Variants in RNF166 observed in about 807,000 individuals in gnomAD.
RNF166 encodes ring finger protein 166, also known as E3 ubiquitin-protein ligase RNF166.
In RNF166, 19 loss-of-function variants were observed where a neutral mutation model predicts 29.4. That is an observed-to-expected ratio of 0.65 (90% confidence interval 0.45 to 0.95). RNF166 has a LOEUF of 0.95. Ranked by LOEUF, RNF166 falls within the 40% of genes least tolerant of loss-of-function variation. RNF166 has a pLI of 0.00. For missense variants in RNF166, 347 were observed against 322.1 expected (o/e 1.08, Z -0.59); for synonymous variants, 171 against 134.5 (o/e 1.27, Z -1.88).
intron 1 of RNF166, chr16:88,701,737 C>A: frequency 3.2e-6 from 1 of 314,234 alleles, no homozygotes; most frequent in Non-Finnish European, 5.9e-6. Context: ...CCAGCTCGGG[C>A]TACCAGGTTC....
intron 2 of RNF166, 110 bp from the exon 3 acceptor site, chr16:88,699,842 G>T: frequency 2.8e-6 from 2 of 701,836 alleles, no homozygotes; most frequent in African/African-American, 1.8e-5. Flanking sequence ...GCAAGCGTCT[G>T]TGTTGCCAGC....
chr16:88,703,085 G>A, intron 1 of RNF166: 1 of 985,600 alleles, frequency 1.0e-6, no homozygotes, highest in Non-Finnish European at 1.2e-6. Context: ...GGAAAACAGT[G>A]CAGGGCAGAC....
Position 88,698,528 on chromosome 16 carries a change from G to A in RNF166, c.622C>T (p.His208Tyr). ...ACAAAGGTGTCGTAGGAGAACTTGT[G>A]TCGGTGAAGCAGGTGCTGCAGGAAG... ...ANFLQHLLHR[H>Y]KFSYDTFVDY... is the part of the protein sequence containing the mutation. Residue 208 changes from histidine to tyrosine, a missense_variant, in exon 5 of 6, where the codon CAC becomes TAC. His to Tyr is a moderately conservative substitution (Grantham distance 83, BLOSUM62 2). Transcript: ENST00000312838. The A allele has an allele frequency of 6.4e-7, 1 of 1,573,776 alleles. No homozygotes were observed. Among genetic ancestry groups the A allele is most frequent in the Non-Finnish European group, 8.6e-7 (1 of 1,159,262 alleles).
At chr16:88,704,043 G>A (rs913433453) in intron 1 of RNF166, 27 of 985,356 alleles carry the variant, frequency 2.7e-5, no homozygotes, top group Non-Finnish European at 3.1e-5. Context: ...GGCCCCCAGG[G>A]GGCCTCCTGC....
chr16:88,704,585 C>G (rs1353996330), intron 1 of RNF166: 1 of 985,104 alleles, frequency 1.0e-6, no homozygotes, highest in East Asian at 1.1e-4. Flanking sequence ...TGTTGGCACC[C>G]AAAGCCTACG....
rs1567640759 is a variant in RNF166 at position 88,704,362 on chromosome 16, A to G, written c.155+1809T>C. 3 of 985,308 alleles carry G rather than the reference A, an allele frequency of 3.0e-6. No homozygotes were observed. In the African/African-American group the frequency reaches 5.2e-5, roughly 17 times the overall value. 61.0% of individuals were successfully genotyped at this position (985,308 alleles called of 1,614,324 possible). Reference sequence around the variant, plus strand: ...AGGCTGTGTGAAAAGCTCTTGCAGGACCCGCGGTGAGACTAGGATGGTCGT... The same window carrying G: ...AGGCTGTGTGAAAAGCTCTTGCAGGGCCCGCGGTGAGACTAGGATGGTCGT... On this transcript the variant is annotated intron_variant, in intron 1 of 5. Coordinates refer to ENST00000312838, the MANE Select transcript of RNF166 (RefSeq NM_178841.4).
At chr16:88,699,129 G>A in intron 3 of RNF166, 44 bp from the exon 4 acceptor site, 3 of 1,322,928 alleles carry the variant, frequency 2.3e-6, no homozygotes, top group Non-Finnish European at 3.2e-6. Context: ...TAGGTGTCTA[G>A]GGGCTCTGCC....
Position 88,696,945 on chromosome 16 carries a change from TTTGA to T in RNF166, c.*619_*622del, listed in dbSNP as rs1255111460. 2 of 197,950 alleles carry T rather than the reference TTTGA, an allele frequency of 1.0e-5. No individual in the cohort carries two copies. Among genetic ancestry groups the T allele is most frequent in the African/African-American group, 2.4e-5 (1 of 41,706 alleles). The allele number at this position is 197,950 out of a possible 1,614,324, so 12.3% of individuals were successfully genotyped here. ...CTTGCCCCAATCCCCCAATGCTTGT[TTTGA>T]TTGTTTTCTTAAAAAATATAATTTT... On this transcript the variant is annotated 3_prime_UTR_variant, in exon 6 of 6. Transcript: ENST00000312838.
chr16:88,702,091 G>C (rs906419006), intron 1 of RNF166, among the ~76,000 whole-genome samples: 1 of 151,960 alleles, frequency 6.6e-6, no homozygotes, highest in African/African-American at 2.4e-5. Flanking sequence ...GACAGACTGA[G>C]CGTCCCACAG....
chr16:88,696,663 C>T lies in RNF166; in HGVS notation c.*905G>A, dbSNP rs1132576. On this transcript the variant is annotated 3_prime_UTR_variant, in exon 6 of 6. Transcript: ENST00000312838. ...ACTGGGGTGCCGTCCCCTCCCGCAGCGGGGCACAGTCAGCTTTGAAGGTGA... is the reference window on the plus strand; with the variant it reads ...ACTGGGGTGCCGTCCCCTCCCGCAGTGGGGCACAGTCAGCTTTGAAGGTGA... 4 of 440,356 alleles carry T rather than the reference C, an allele frequency of 9.1e-6. No homozygotes were observed. Among genetic ancestry groups the T allele is most frequent in the South Asian group, 6.5e-5 (4 of 61,430 alleles). The allele number at this position is 440,356 out of a possible 1,614,324, so 27.3% of individuals were successfully genotyped here. A position where few individuals can be genotyped will look rare whatever the true frequency, so the allele number is the denominator to read the frequency against.
At chr16:88,701,453 C>A (rs2306048) in intron 1 of RNF166, 35 bp from the exon 2 acceptor site, 10 of 1,513,892 alleles carry the variant, frequency 6.6e-6, no homozygotes, top group Non-Finnish European at 8.8e-6. Context: ...CCAGCCCGCC[C>A]CTCGGGTCTC....
At chr16:88,704,607 T>C (rs1480064817) in intron 1 of RNF166, 1 of 970,802 alleles carries the variant, frequency 1.0e-6, no homozygotes, top group Admixed American at 6.2e-5. Context: ...GAGGCTTTTC[T>C]AAAACAAGGC....
intron 4 of RNF166, 126 bp downstream of exon 4, chr16:88,698,845 C>T: frequency 1.3e-6 from 1 of 782,752 alleles, no homozygotes; most frequent in Non-Finnish European, 2.1e-6. Context: ...AGTTCCCACC[C>T]TGGGTCCCAG....
In RNF166 at chr16:88,697,478, G is replaced by A. The variant is rs535311115; in HGVS notation, c.*90C>T. The A allele has an allele frequency of 7.2e-4, 692 of 955,510 alleles. 1 individual carries two copies. Among genetic ancestry groups the A allele is most frequent in the Middle Eastern group, 2.5e-3 (8 of 3,198 alleles). The allele number at this position is 955,510 out of a possible 1,614,324, so 59.2% of individuals were successfully genotyped here. ...CAGGCTCCTCCTGTGAGCTCAGTCCGGTGAGGTGCGCTCCCGAGCAGGTGC... is the reference window on the plus strand; with the variant it reads ...CAGGCTCCTCCTGTGAGCTCAGTCCAGTGAGGTGCGCTCCCGAGCAGGTGC... On this transcript the variant is annotated 3_prime_UTR_variant, in exon 6 of 6. Transcript: ENST00000312838.
intron 1 of RNF166, chr16:88,702,990 T>TG: frequency 1.0e-6 from 1 of 985,378 alleles, no homozygotes; most frequent in Non-Finnish European, 1.2e-6. Context: ...GGTAAACGGA[T>TG]GAAGAGACGG....
chr16:88,704,851 G>A (rs532597958), intron 1 of RNF166, among the ~76,000 whole-genome samples: 3 of 152,310 alleles, frequency 2.0e-5, no homozygotes, highest in South Asian at 2.1e-4. Context: ...TTAGCCGGGC[G>A]TGGTGGCGGG....
At chr16:88,702,733 C>G (rs1470844004) in intron 1 of RNF166, 1 of 985,316 alleles carries the variant, frequency 1.0e-6, no homozygotes. Flanking sequence ...AGTGAACAAG[C>G]CTTTTTCTGC....
intron 4 of RNF166, among the ~76,000 whole-genome samples, 173 bp downstream of exon 4, chr16:88,698,798 A>G (rs1450043138): frequency 6.6e-6 from 1 of 151,798 alleles, no homozygotes; most frequent in Non-Finnish European, 1.5e-5. Context: ...ACTCATGGAC[A>G]CTCCCCGGTT....
rs1016535657 is a variant in RNF166 at position 88,706,384 on chromosome 16, G to C, written c.-59C>G. On this transcript the variant is annotated 5_prime_UTR_variant, in exon 1 of 6. Transcript: ENST00000312838. ...TGTCCTGGCCCGGGCCGGCCCGCTA[G>C]TCACAGCCGCTACTGCGCCGCGCTG... The C allele has an allele frequency of 8.2e-7, 1 of 1,218,964 alleles. No homozygotes were observed. The allele number at this position is 1,218,964 out of a possible 1,614,324, so 75.5% of individuals were successfully genotyped here. A position where few individuals can be genotyped will look rare whatever the true frequency, so the allele number is the denominator to read the frequency against.
Sources: gnomAD v4.1 joint callset for allele counts (sites outside exome capture counted in the v4.1 genomes callset) on GRCh38, gnomAD v4.1.1 for gene constraint, MANE v1.5 for transcripts, NCBI Gene and HGNC (gene_info 2026-07-23, HGNC 2026-07-21) for gene names.